The following CFHR5 variants were observed in gnomAD, a reference collection of about 807,000 sequenced individuals.
The protein encoded by CFHR5 is complement factor H-related protein 5.
Under a neutral mutation model 62.9 loss-of-function variants are expected in CFHR5, and 73 were observed. The observed-to-expected ratio is 1.16, with a 90% CI of 0.96 to 1.41. CFHR5 has a LOEUF of 1.41. CFHR5 is among the 40% of genes most tolerant of loss of function. CFHR5 has a pLI of 0.00. For synonymous variants in CFHR5, 249 were observed against 227.2 expected (o/e 1.10, Z -0.86); for missense variants, 779 against 679.9 (o/e 1.15, Z -1.62).
intron 9 of CFHR5, among the ~76,000 whole-genome samples, chr1:197,008,223 G>T (rs1453769551): frequency 6.6e-6 from 1 of 151,260 alleles, no homozygotes; most frequent in Non-Finnish European, 1.5e-5. Flanking sequence ...AACTCATACT[G>T]GCAGGATGCA....
intron 7 of CFHR5, among the ~76,000 whole-genome samples, chr1:197,000,935 T>A (rs761575600): frequency 1.2e-4 from 18 of 152,202 alleles, no homozygotes; most frequent in Non-Finnish European, 2.4e-4. Context: ...CTATCAAATG[T>A]GCCTGATATC....
At chr1:196,975,885 C>A (rs146602083), upstream of CFHR5, among the ~76,000 whole-genome samples, 1 of 152,010 alleles carries the variant, frequency 6.6e-6, no homozygotes, top group African/African-American at 2.4e-5. Context: ...TAGAAAGGAA[C>A]GAATGGGCAG....
chr1:197,007,781 ATATAT>A (rs1368402576), intron 9 of CFHR5, among the ~76,000 whole-genome samples: 4 of 147,516 alleles, frequency 2.7e-5, no homozygotes, highest in African/African-American at 9.9e-5. Context: ...GTTATGTATA[ATATAT>A]TATATTATAC....
At chr1:196,980,191 A>G (rs1458592311) in intron 1 of CFHR5, among the ~76,000 whole-genome samples, 1 of 152,088 alleles carries the variant, frequency 6.6e-6, no homozygotes, top group Non-Finnish European at 1.5e-5. Flanking sequence ...ATGATAACAA[A>G]GCCTTCTTCT....
At position 196,982,948 on chromosome 1, in the gene CFHR5, CT is replaced by C; in HGVS notation, c.127del (p.Ser43ProfsTer28). On this transcript the variant is annotated frameshift_variant, in exon 2 of 10. Coordinates refer to ENST00000256785, the MANE Select transcript of CFHR5 (RefSeq NM_030787.4). LOFTEE classifies it high-confidence loss of function. ...CTGTATGATGAAGAAGATTATAACC[CT>C]TTTTCCCAAGTTCCTACAGGGGAAG... Reference protein sequence around the residue: ...GFLYDEEDYNPFSQVPTGEVF... With the variant: ...GFLYDEEDYNXFSQVPTGEVF... 6.2e-7 allele frequency: 1 copy of C among 1,614,016 alleles called. No individual in the cohort carries two copies. Among genetic ancestry groups the C allele is most frequent in the Non-Finnish European group, 8.5e-7 (1 of 1,179,984 alleles).
upstream of CFHR5, among the ~76,000 whole-genome samples, chr1:196,976,630 A>T (rs1653398777): frequency 6.6e-6 from 1 of 151,990 alleles, no homozygotes; most frequent in African/African-American, 2.4e-5. Context: ...AGAGACAACC[A>T]ATGGTTACTT....
At chr1:196,988,533 C>T (rs1447741683) in intron 3 of CFHR5, among the ~76,000 whole-genome samples, 1 of 151,874 alleles carries the variant, frequency 6.6e-6, no homozygotes, top group Non-Finnish European at 1.5e-5. Flanking sequence ...TATTATTTTG[C>T]CATATGTTCC....
rs556270179 is a variant in CFHR5 at position 196,998,273 on chromosome 1, C to T, written c.1116C>T (p.Asn372=). ...GATACAGGCACTCAGTCTGTATAAA[C>T]GGGAAATGGAATCCTGAAGTAGACT... ...IFRYRHSVCI[N]GKWNPEVDCT... Residue 372 remains asparagine (N), a synonymous_variant, in exon 7 of 10, where the codon AAC becomes AAT. Transcript: ENST00000256785. 9.6e-5 allele frequency: 154 copies of T among 1,611,138 alleles called. 1 individual carries two copies. The highest frequency in any genetic ancestry group is 6.8e-4 in the Admixed American group (41 of 59,854).
At chr1:196,983,451 A>T (rs1184630334) in intron 2 of CFHR5, among the ~76,000 whole-genome samples, 1 of 152,144 alleles carries the variant, frequency 6.6e-6, no homozygotes, top group African/African-American at 2.4e-5. Context: ...TCTCTTGCAT[A>T]TTGCGAGGTA....
intron 8 of CFHR5, 114 bp downstream of exon 8, chr1:197,002,778 G>C: frequency 4.9e-6 from 4 of 820,738 alleles, no homozygotes; most frequent in Non-Finnish European, 7.9e-6. Context: ...GTACCCCAAA[G>C]CCTTAAATTG....
upstream of CFHR5, among the ~76,000 whole-genome samples, chr1:196,977,394 C>T (rs879572031): frequency 1.3e-5 from 2 of 151,722 alleles, no homozygotes; most frequent in Non-Finnish European, 2.9e-5. Flanking sequence ...GTGACTACAA[C>T]AAGGAAATTG....
At chr1:196,984,210 T>C (rs1653622427) in intron 3 of CFHR5, 73 bp downstream of exon 3, 8 of 1,269,542 alleles carry the variant, frequency 6.3e-6, no homozygotes, top group Non-Finnish European at 6.8e-6. Context: ...AGATTAAATA[T>C]AGGTTAAATA....
chr1:197,001,971 G>A (rs563248668), intron 7 of CFHR5, among the ~76,000 whole-genome samples: 1 of 152,164 alleles, frequency 6.6e-6, no homozygotes, highest in African/African-American at 2.4e-5. Context: ...CTAGTCCAAC[G>A]GAGGCATTCC....
At chr1:196,982,793 C>A in intron 1 of CFHR5, 92 bp from the exon 2 acceptor site, 2 of 1,263,720 alleles carry the variant, frequency 1.6e-6, no homozygotes, top group Admixed American at 3.6e-5. Context: ...GAATGAAAAA[C>A]AAAACTATAA....
At chr1:196,990,063 G>A (rs1653804270) in intron 3 of CFHR5, among the ~76,000 whole-genome samples, 1 of 152,116 alleles carries the variant, frequency 6.6e-6, no homozygotes, top group Non-Finnish European at 1.5e-5. Context: ...CCTGTTGGGT[G>A]CATATATATT....
intron 9 of CFHR5, among the ~76,000 whole-genome samples, chr1:197,008,271 T>C (rs1438720335): frequency 6.6e-6 from 1 of 151,524 alleles, no homozygotes; most frequent in Non-Finnish European, 1.5e-5. Flanking sequence ...TGTGTAGCCT[T>C]GAGAAAATCT....
At position 196,998,202 on chromosome 1, in the gene CFHR5, T is replaced by A. The variant is rs748173075; in HGVS notation, c.1045T>A (p.Phe349Ile). The stretch of plus-strand genomic sequence containing the variant: ...ATTACTCAAGCTATCTGGGAAAGAA[T>A]TTAATCATAATTCTAGAATACGTTA... ...KTLLKLSGKE[F>I]NHNSRIRYRC... Residue 349 changes from phenylalanine (F) to isoleucine (I), a missense_variant, in exon 7 of 10, where the codon TTT (phenylalanine) becomes ATT (isoleucine). Phe to Ile is a conservative substitution (Grantham distance 21). Coordinates refer to ENST00000256785, the MANE Select transcript of CFHR5 (RefSeq NM_030787.4). The A allele has an allele frequency of 1.2e-5, 20 of 1,607,134 alleles. No homozygotes were observed. Among genetic ancestry groups the A allele is most frequent in the Non-Finnish European group, 1.7e-5 (20 of 1,176,110 alleles).
At chr1:196,981,564 T>A (rs1275366118) in intron 1 of CFHR5, among the ~76,000 whole-genome samples, 1 of 152,054 alleles carries the variant, frequency 6.6e-6, no homozygotes, top group East Asian at 1.9e-4. Context: ...ACCCATTTTC[T>A]ACATTGTTTT....
At chr1:196,984,387 CTGTT>C (rs1025993702) in intron 3 of CFHR5, among the ~76,000 whole-genome samples, 17 of 152,078 alleles carry the variant, frequency 1.1e-4, no homozygotes, top group Non-Finnish European at 2.5e-4. Flanking sequence ...AATGTAACAA[CTGTT>C]TGTTGTTTAT....
Sources: allele counts gnomAD v4.1 joint callset (sites outside exome capture counted in the v4.1 genomes callset), GRCh38; gene constraint gnomAD v4.1.1; transcripts MANE v1.5; gene names NCBI Gene and HGNC (gene_info 2026-07-23, HGNC 2026-07-21).